ACTR2: variants seen among roughly 807,000 people sequenced by gnomAD.
ACTR2 encodes the protein actin-related protein 2.
Under a neutral mutation model 50.2 loss-of-function variants are expected in ACTR2, and 5 were observed. The ratio of observed to expected loss-of-function variants is 0.10; its 90% confidence interval spans 0.05 to 0.21. The LOEUF is 0.21. ACTR2 is among the 10% of genes least tolerant of loss of function. The probability of loss-of-function intolerance (pLI) is 1.00; values close to 1 mark genes in which losing one functional copy is unlikely to be tolerated. For missense variants in ACTR2, 180 were observed against 480.6 expected (o/e 0.37, Z 5.85); for synonymous variants, 140 against 162.9 (o/e 0.86, Z 1.07).
At chr2:65,264,954 A>C (rs903187762) in intron 7 of ACTR2, 89 bp from the exon 8 acceptor site, 1 of 1,460,332 alleles carries the variant, frequency 6.8e-7, no homozygotes, top group African/African-American at 1.4e-5. Flanking sequence ...TTCTCCCAGC[A>C]ACCCCGAGGC....
chr2:65,247,101 G>A (rs987799898), intron 3 of ACTR2, among the ~76,000 whole-genome samples: 3 of 152,038 alleles, frequency 2.0e-5, no homozygotes, highest in African/African-American at 7.3e-5. Flanking sequence ...TTTGTTAGAA[G>A]GTGAGTGATC....
intron 1 of ACTR2, among the ~76,000 whole-genome samples, chr2:65,228,984 G>A (rs1247091757): frequency 6.6e-6 from 1 of 152,082 alleles, no homozygotes; most frequent in African/African-American, 2.4e-5. Context: ...GGAGGCTGAG[G>A]CAGGAGAATC....
chr2:65,239,271 A>G (rs971513872), intron 1 of ACTR2, among the ~76,000 whole-genome samples: 4 of 152,154 alleles, frequency 2.6e-5, no homozygotes, highest in Non-Finnish European at 4.4e-5. Context: ...CCTGACCAAC[A>G]TGGAGAAACC....
At chr2:65,236,516 A>G (rs1395745299) in intron 1 of ACTR2, among the ~76,000 whole-genome samples, 1 of 152,144 alleles carries the variant, frequency 6.6e-6, no homozygotes, top group Non-Finnish European at 1.5e-5. Flanking sequence ...CATTAAACAA[A>G]AGAGTTTCTT....
At chr2:65,261,526 T>A (rs1672268173) in intron 7 of ACTR2, 134 bp downstream of exon 7, 1 of 936,306 alleles carries the variant, frequency 1.1e-6, no homozygotes, top group Admixed American at 3.2e-5. Context: ...AATTTCAGAC[T>A]TACGGAAAGG....
At chr2:65,259,150 G>A (rs551761367) in intron 6 of ACTR2, among the ~76,000 whole-genome samples, 14 of 152,082 alleles carry the variant, frequency 9.2e-5, no homozygotes, top group African/African-American at 2.4e-4. Context: ...TTGGCCAGGC[G>A]CGGTGGCTCT....
chr2:65,251,906 T>TA (rs1672059322), intron 4 of ACTR2, among the ~76,000 whole-genome samples: 6 of 151,992 alleles, frequency 3.9e-5, no homozygotes, highest in Admixed American at 3.9e-4. Flanking sequence ...GGAAATAAAA[T>TA]ATTGGCCACG....
intron 8 of ACTR2, among the ~76,000 whole-genome samples, chr2:65,267,681 T>C (rs1672399271): frequency 6.6e-6 from 1 of 152,164 alleles, no homozygotes; most frequent in African/African-American, 2.4e-5. Context: ...GTTCATTTTC[T>C]CATAACATCC....
chr2:65,252,704 C>T (rs376343171), intron 4 of ACTR2, among the ~76,000 whole-genome samples: 35 of 152,202 alleles, frequency 2.3e-4, no homozygotes, highest in African/African-American at 8.4e-4. Context: ...TATGGTGGCT[C>T]ATGGCTGTAA....
intron 6 of ACTR2, among the ~76,000 whole-genome samples, 190 bp from the exon 7 acceptor site, chr2:65,261,055 CAG>C (rs748665875): frequency 4.1e-4 from 63 of 152,106 alleles, no homozygotes; most frequent in Non-Finnish European, 6.8e-4. Context: ...AAAAGCAAAA[CAG>C]AATGTGATAA....
At chr2:65,262,201 T>G (rs1176079059) in intron 7 of ACTR2, among the ~76,000 whole-genome samples, 4 of 152,176 alleles carry the variant, frequency 2.6e-5, no homozygotes, top group African/African-American at 9.7e-5. Context: ...CTTTGTTGAT[T>G]AATTCCTTTG....
chr2:65,227,852 G>C lies in ACTR2; in HGVS notation c.-58G>C. 2.7e-6 allele frequency: 4 copies of C among 1,485,382 alleles called. No homozygotes were observed. The highest frequency in any genetic ancestry group is 3.6e-6 in the Non-Finnish European group (4 of 1,116,080). The allele number at this position is 1,485,382 out of a possible 1,614,324, so 92.0% of individuals were successfully genotyped here. A position where few individuals can be genotyped will look rare whatever the true frequency, so the allele number is the denominator to read the frequency against. Reference sequence around the variant, plus strand: ...AGACGCAAGAGGAAGAAGAGAAAACGGCCGGGCGGCGGTGGCTGTAGGTTG... The same window carrying C: ...AGACGCAAGAGGAAGAAGAGAAAACCGCCGGGCGGCGGTGGCTGTAGGTTG... On this transcript the variant is annotated 5_prime_UTR_variant, in exon 1 of 9. Coordinates refer to ENST00000260641, the MANE Select transcript of ACTR2 (RefSeq NM_005722.4).
In ACTR2 at chr2:65,228,079, G is replaced by T. The variant is rs753544889; in HGVS notation, c.48+122G>T. On this transcript the variant is annotated intron_variant, in intron 1 of 8. Coordinates refer to ENST00000260641, the MANE Select transcript of ACTR2 (RefSeq NM_005722.4). ...CCCTCGGGGCGAAGGGGCGCGGGGC[G>T]GTGCCTCCCACCTCCGCGGGCGTGG... 245 of 915,894 alleles carry T rather than the reference G, an allele frequency of 2.7e-4. 1 individual carries two copies. Among genetic ancestry groups the T allele is most frequent in the Non-Finnish European group, 3.3e-4 (221 of 668,062 alleles). The allele number at this position is 915,894 out of a possible 1,614,324, so 56.7% of individuals were successfully genotyped here.
intron 6 of ACTR2, among the ~76,000 whole-genome samples, chr2:65,256,573 A>T (rs1052390587): frequency 1.3e-5 from 2 of 152,206 alleles, no homozygotes; most frequent in African/African-American, 4.8e-5. Flanking sequence ...TAAAGTAATT[A>T]TAAAAAATTT....
At chr2:65,251,965 C>T (rs917674027) in intron 4 of ACTR2, among the ~76,000 whole-genome samples, 1 of 151,178 alleles carries the variant, frequency 6.6e-6, no homozygotes, top group African/African-American at 2.4e-5. Flanking sequence ...TCAACAGGAA[C>T]TTACTGAGAA....
chr2:65,260,883 A>G (rs535912215), intron 6 of ACTR2, among the ~76,000 whole-genome samples: 2 of 151,834 alleles, frequency 1.3e-5, no homozygotes, highest in Non-Finnish European at 2.9e-5. Context: ...GGCGCCCGCC[A>G]CCACACCCGG....
At chr2:65,262,990 C>A in intron 7 of ACTR2, among the ~76,000 whole-genome samples, 1 of 130,448 alleles carries the variant, frequency 7.7e-6, no homozygotes. Flanking sequence ...AAAGAAAGTT[C>A]CTAAAAAAAA....
intron 6 of ACTR2, among the ~76,000 whole-genome samples, chr2:65,260,660 G>C (rs1478017604): frequency 1.3e-5 from 2 of 151,656 alleles, no homozygotes; most frequent in African/African-American, 4.9e-5. Context: ...CTGCTTTGCT[G>C]CAAACATCAT....
At chr2:65,237,740 C>T (rs1374031652) in intron 1 of ACTR2, among the ~76,000 whole-genome samples, 1 of 152,056 alleles carries the variant, frequency 6.6e-6, no homozygotes, top group African/African-American at 2.4e-5. Context: ...GTAATCCCAG[C>T]ACTTTGGGAG....
Sources: gnomAD v4.1 joint callset for allele counts (sites outside exome capture counted in the v4.1 genomes callset) on GRCh38, gnomAD v4.1.1 for gene constraint, MANE v1.5 for transcripts, NCBI Gene and HGNC (gene_info 2026-07-23, HGNC 2026-07-21) for gene names.